The following WDR70 variants were observed in gnomAD, a reference collection of about 807,000 sequenced individuals.
The protein encoded by WDR70 is WD repeat-containing protein 70.
In WDR70, 53 loss-of-function variants were observed where a neutral mutation model predicts 88.6. That is an observed-to-expected ratio of 0.60 (90% CI 0.48 to 0.75). The LOEUF (loss-of-function observed/expected upper bound fraction) is 0.75. WDR70 is among the 30% of genes least tolerant of loss of function. The probability of loss-of-function intolerance (pLI) is 0.00; values close to 1 mark genes in which losing one functional copy is unlikely to be tolerated. For missense variants in WDR70, 610 were observed against 823.2 expected (o/e 0.74, Z 3.17); for synonymous variants, 280 against 270.0 (o/e 1.04, Z -0.36).
intron 9 of WDR70, among the ~76,000 whole-genome samples, chr5:37,568,376 C>T (rs183219218): frequency 6.6e-6 from 1 of 152,160 alleles, no homozygotes; most frequent in Non-Finnish European, 1.5e-5. Flanking sequence ...TTGGTTTAGC[C>T]CCTGTTTATT....
intron 17 of WDR70, among the ~76,000 whole-genome samples, chr5:37,742,522 C>T (rs1475255597): frequency 6.6e-6 from 1 of 152,074 alleles, no homozygotes; most frequent in Non-Finnish European, 1.5e-5. Flanking sequence ...AATATTTTCT[C>T]CCATTCTGCC....
At chr5:37,677,283 A>T (rs1232698398) in intron 10 of WDR70, among the ~76,000 whole-genome samples, 6 of 151,704 alleles carry the variant, frequency 4.0e-5, no homozygotes, top group Admixed American at 6.6e-5. Flanking sequence ...CTAGCTTTTG[A>T]ATGTGTTTGC....
At chr5:37,740,611 ACT>A (rs1454760717) in intron 17 of WDR70, among the ~76,000 whole-genome samples, 1 of 152,176 alleles carries the variant, frequency 6.6e-6, no homozygotes, top group African/African-American at 2.4e-5. Flanking sequence ...TGTGGGCCAT[ACT>A]TTGCTTCACT....
chr5:37,520,851 G>A (rs549365358), intron 9 of WDR70, among the ~76,000 whole-genome samples: 22 of 152,276 alleles, frequency 1.4e-4, no homozygotes, highest in African/African-American at 3.8e-4. Context: ...AGCTACTTGC[G>A]TTTAAATAGG....
chr5:37,747,436 G>A (rs1187400519), intron 17 of WDR70, among the ~76,000 whole-genome samples: 3 of 152,100 alleles, frequency 2.0e-5, no homozygotes, highest in Non-Finnish European at 2.9e-5. Flanking sequence ...AAAGGCCTTA[G>A]ATAAAATTCA....
At chr5:37,493,506 C>T (rs945965998) in intron 8 of WDR70, among the ~76,000 whole-genome samples, 4 of 152,132 alleles carry the variant, frequency 2.6e-5, no homozygotes, top group African/African-American at 9.7e-5. Flanking sequence ...GTGCCAGCAA[C>T]CAGAATAAAC....
At chr5:37,579,018 T>A (rs1446605303) in intron 9 of WDR70, among the ~76,000 whole-genome samples, 1 of 152,230 alleles carries the variant, frequency 6.6e-6, no homozygotes, top group East Asian at 1.9e-4. Context: ...TCAAACTGTC[T>A]GTTCCTTGAA....
At chr5:37,639,068 A>G (rs1745042424) in intron 10 of WDR70, among the ~76,000 whole-genome samples, 1 of 152,220 alleles carries the variant, frequency 6.6e-6, no homozygotes, top group Non-Finnish European at 1.5e-5. Flanking sequence ...GAAATGCAGA[A>G]CGTAAAAACA....
intron 9 of WDR70, among the ~76,000 whole-genome samples, chr5:37,547,034 G>T (rs1485687006): frequency 6.6e-6 from 1 of 152,192 alleles, no homozygotes; most frequent in Non-Finnish European, 1.5e-5. Flanking sequence ...TTTGATAGAG[G>T]TTGGGTTGAA....
chr5:37,635,760 T>A (rs1042876853), intron 10 of WDR70, among the ~76,000 whole-genome samples: 11 of 152,130 alleles, frequency 7.2e-5, no homozygotes, highest in African/African-American at 2.4e-4. Flanking sequence ...ATTGATATGG[T>A]TTGGCTGTGT....
intron 7 of WDR70, among the ~76,000 whole-genome samples, chr5:37,447,479 A>C (rs1208877667): frequency 6.6e-6 from 1 of 152,156 alleles, no homozygotes; most frequent in Non-Finnish European, 1.5e-5. Context: ...CAAAAAGACA[A>C]ATGCACACGT....
intron 8 of WDR70, among the ~76,000 whole-genome samples, chr5:37,509,877 A>G (rs1185738402): frequency 1.3e-5 from 2 of 150,256 alleles, no homozygotes; most frequent in Admixed American, 6.7e-5. Context: ...CCTGTGCAGT[A>G]TAGCAGAAAC....
At chr5:37,402,122 C>A (rs1232483759) in intron 5 of WDR70, among the ~76,000 whole-genome samples, 1 of 152,122 alleles carries the variant, frequency 6.6e-6, no homozygotes, top group East Asian at 1.9e-4. Context: ...TCTGTTTCTA[C>A]TATTCTCTCC....
At chr5:37,483,796 A>G (rs1237646845) in intron 8 of WDR70, among the ~76,000 whole-genome samples, 2 of 147,152 alleles carry the variant, frequency 1.4e-5, no homozygotes, top group African/African-American at 5.1e-5. Flanking sequence ...TCCCTCCCGG[A>G]CGGGGCGGCT....
intron 9 of WDR70, among the ~76,000 whole-genome samples, chr5:37,579,175 C>T (rs1743145974): frequency 6.6e-6 from 1 of 152,068 alleles, no homozygotes; most frequent in South Asian, 2.1e-4. Context: ...TCTTGGGATA[C>T]CACTGGGTTT....
At chr5:37,546,783 G>T (rs1213240948) in intron 9 of WDR70, among the ~76,000 whole-genome samples, 1 of 152,066 alleles carries the variant, frequency 6.6e-6, no homozygotes, top group African/African-American at 2.4e-5. Flanking sequence ...GCCAGGCGTG[G>T]TGGCACACTC....
intron 10 of WDR70, among the ~76,000 whole-genome samples, chr5:37,646,800 C>T (rs528925992): frequency 1.9e-4 from 29 of 152,126 alleles, no homozygotes; most frequent in African/African-American, 5.5e-4. Context: ...TCTCTTTATC[C>T]GTGACCTTTG....
At chr5:37,744,501 C>G (rs891137640) in intron 17 of WDR70, among the ~76,000 whole-genome samples, 1 of 151,888 alleles carries the variant, frequency 6.6e-6, no homozygotes, top group Non-Finnish European at 1.5e-5. Context: ...GGAGCGTGTC[C>G]TTACCCAATG....
rs1032285577 is a variant in WDR70 at position 37,490,678 on chromosome 5, C to T, written c.840+10691C>T. Among the ~76,000 whole-genome samples the T allele has an allele frequency of 1.1e-4, 17 of 151,894 alleles. 1 individual carries two copies. The highest frequency in any genetic ancestry group is 6.8e-3 in the Middle Eastern group (2 of 294). On this transcript the variant is annotated intron_variant, in intron 8 of 17. Coordinates refer to ENST00000265107, the MANE Select transcript of WDR70 (RefSeq NM_018034.4). ...TAGAGCATGTGCGGGTGTGCTGGGG[C>T]TTTGTTGCCGGGGGTAGGTGGGCAA... is the stretch of plus-strand genomic sequence containing the variant.
Sources: gnomAD v4.1 joint callset for allele counts (sites outside exome capture counted in the v4.1 genomes callset) on GRCh38, gnomAD v4.1.1 for gene constraint, MANE v1.5 for transcripts, NCBI Gene and HGNC (gene_info 2026-07-23, HGNC 2026-07-21) for gene names.